CPS1: variants seen among roughly 807,000 people sequenced by gnomAD.
The protein encoded by CPS1 is carbamoyl-phosphate synthase 1.
CPS1 carries 109 observed loss-of-function variants against 174.6 expected under a neutral mutation model. That is an observed-to-expected ratio of 0.62 (90% CI 0.53 to 0.73). The LOEUF (loss-of-function observed/expected upper bound fraction) is 0.73. CPS1 is among the 30% of genes least tolerant of loss of function. The pLI is 0.00. For missense variants in CPS1, 1,689 were observed against 1,821.9 expected (o/e 0.93, Z 1.33); for synonymous variants, 637 against 632.0 (o/e 1.01, Z -0.12).
At position 210,597,823 on chromosome 2, in the gene CPS1, C is replaced by CATATATATATATATATATATATAT. The variant is rs1169393511; in HGVS notation, c.1360-1540_1360-1539insTATATATATATATATATATATATA. ...AATGAGATAGAGCTATGAATACCTT[C>CATATATATATATATATATATATAT]ATATATATACACACACACACAAACA... On this transcript the variant is annotated intron_variant, in intron 13 of 37. Coordinates refer to ENST00000233072, the MANE Select transcript of CPS1 (RefSeq NM_001875.5). Among the ~76,000 whole-genome samples, 474 of 148,376 alleles carry CATATATATATATATATATATATAT rather than the reference C, an allele frequency of 3.2e-3. 9 individuals are homozygous for CATATATATATATATATATATATAT. Among genetic ancestry groups the CATATATATATATATATATATATAT allele is most frequent in the African/African-American group, 0.011 (424 of 38,636 alleles).
At chr2:210,633,140 A>T (rs1463601844) in intron 21 of CPS1, among the ~76,000 whole-genome samples, 1 of 152,192 alleles carries the variant, frequency 6.6e-6, no homozygotes, top group African/African-American at 2.4e-5. Flanking sequence ...ATCATTCACA[A>T]TCATTATTTT....
At chr2:210,508,552 G>C (rs968932132) in intron 1 of CPS1, among the ~76,000 whole-genome samples, 4 of 152,242 alleles carry the variant, frequency 2.6e-5, no homozygotes, top group African/African-American at 9.6e-5. Context: ...AGGAAATAGA[G>C]ACACAAAAAA....
intron 1 of CPS1, chr2:210,477,787 C>A: frequency 6.2e-7 from 1 of 1,612,922 alleles, no homozygotes. Context: ...AGCTGGATAT[C>A]TCTCATGTTT....
At chr2:210,478,311 G>C (rs1202056332) in intron 1 of CPS1, among the ~76,000 whole-genome samples, 1 of 152,078 alleles carries the variant, frequency 6.6e-6, no homozygotes, top group Non-Finnish European at 1.5e-5. Context: ...TCTAATGTTT[G>C]CCATTCTAAT....
chr2:210,563,164 A>G (rs1433313861), intron 1 of CPS1, among the ~76,000 whole-genome samples: 2 of 152,272 alleles, frequency 1.3e-5, no homozygotes, highest in East Asian at 1.9e-4. Context: ...CCGATGCCAT[A>G]GTTGTGTTTA....
chr2:210,620,477 A>G (rs943186911), intron 21 of CPS1, among the ~76,000 whole-genome samples: 12 of 152,072 alleles, frequency 7.9e-5, no homozygotes, highest in African/African-American at 2.9e-4. Flanking sequence ...CATTGCTATG[A>G]AGAAATATCT....
At chr2:210,539,118 A>G (rs1696335106) in intron 1 of CPS1, among the ~76,000 whole-genome samples, 1 of 152,212 alleles carries the variant, frequency 6.6e-6, no homozygotes. Context: ...AACCTCAAGA[A>G]GATCACTTAT....
intron 1 of CPS1, among the ~76,000 whole-genome samples, chr2:210,570,027 TGTTA>T (rs1233606400): frequency 2.6e-5 from 4 of 151,976 alleles, no homozygotes; most frequent in African/African-American, 7.2e-5. Context: ...TTTGGGGAAC[TGTTA>T]GTTAGAAGAA....
chr2:210,597,303 A>T (rs1574569899), intron 13 of CPS1, among the ~76,000 whole-genome samples: 1 of 151,834 alleles, frequency 6.6e-6, no homozygotes, highest in Non-Finnish European at 1.5e-5. Flanking sequence ...ATCTTGAGAG[A>T]TGACTCGTAT....
chr2:210,584,717 A>G (rs918548811), intron 6 of CPS1, among the ~76,000 whole-genome samples: 10 of 152,032 alleles, frequency 6.6e-5, no homozygotes, highest in Admixed American at 2.0e-4. Context: ...TTTAGTGTCA[A>G]TTTGAATTCA....
intron 21 of CPS1, among the ~76,000 whole-genome samples, chr2:210,624,839 A>G (rs1459844390): frequency 3.3e-5 from 5 of 152,074 alleles, no homozygotes; most frequent in Non-Finnish European, 7.4e-5. Context: ...GATGACTCAT[A>G]AAGTGCCTAT....
Position 210,605,180 on chromosome 2 carries a change from G to A in CPS1, c.1915G>A (p.Asp639Asn), listed in dbSNP as rs1430895323. 1.9e-6 allele frequency: 3 copies of A among 1,612,284 alleles called. No individual in the cohort carries two copies. Among genetic ancestry groups the A allele is most frequent in the Non-Finnish European group, 2.5e-6 (3 of 1,178,852 alleles). ...AGAAATAGAATATGAAGTGGTTCGA[G>A]ATGCTGATGACAATTGTGTCACTGT... is the stretch of plus-strand genomic sequence containing the variant. Reference protein sequence around the residue: ...WKEIEYEVVRDADDNCVTVCN... With the variant: ...WKEIEYEVVRNADDNCVTVCN... The change falls in exon 17 of 38, where the codon GAT becomes AAT. Residue 639 changes from aspartate to asparagine, a missense_variant. Asp to Asn is a conservative substitution (Grantham distance 23). Transcript: ENST00000233072.
chr2:210,619,782 A>G (rs1011589690), intron 21 of CPS1: 4 of 152,146 alleles, frequency 2.6e-5, no homozygotes, highest in African/African-American at 7.2e-5. Flanking sequence ...CACATTTAAT[A>G]GCAGAGGATG....
At chr2:210,524,881 A>G (rs1695932551) in intron 1 of CPS1, among the ~76,000 whole-genome samples, 1 of 151,960 alleles carries the variant, frequency 6.6e-6, no homozygotes, top group Non-Finnish European at 1.5e-5. Flanking sequence ...TAAGTTGCTG[A>G]ATGTACTTTT....
intron 2 of CPS1, 133 bp downstream of exon 2, chr2:210,573,540 T>C: frequency 2.7e-6 from 2 of 733,732 alleles, no homozygotes; most frequent in South Asian, 3.1e-5. Flanking sequence ...CACCATGCCT[T>C]GTGCATAGCC....
intron 13 of CPS1, among the ~76,000 whole-genome samples, chr2:210,597,327 T>C (rs1698521112): frequency 1.3e-5 from 2 of 151,952 alleles, no homozygotes; most frequent in East Asian, 1.9e-4. Context: ...GGAAAGAGCA[T>C]AGGATTTGAA....
Position 210,606,928 on chromosome 2 carries a change from T to C in CPS1, c.2179T>C (p.Ser727Pro). The C allele has an allele frequency of 6.2e-7, 1 of 1,612,060 alleles. No homozygotes were observed. The highest frequency in any genetic ancestry group is 8.5e-7 in the Non-Finnish European group (1 of 1,178,804). Residue 727 changes from serine (S) to proline (P), a missense_variant, in exon 18 of 38, where the codon TCA (serine) becomes CCA (proline). By Grantham distance (74) the Ser-to-Pro change is moderately conservative (BLOSUM62 -1). Coordinates refer to ENST00000233072, the MANE Select transcript of CPS1 (RefSeq NM_001875.5). Reference sequence around the variant, plus strand: ...ACTGTCCCGAAGCTCTGCTCTGGCCTCAAAAGCCACTGGGTAAGACCAGAA... The same window carrying C: ...ACTGTCCCGAAGCTCTGCTCTGGCCCCAAAAGCCACTGGGTAAGACCAGAA... ...ARLSRSSALA[S>P]KATGYPLAFI...
intron 36 of CPS1, among the ~76,000 whole-genome samples, chr2:210,676,304 T>G (rs916883449): frequency 3.9e-5 from 6 of 152,226 alleles, no homozygotes; most frequent in African/African-American, 1.4e-4. Context: ...TGACCAGGTT[T>G]TCATGCCTTA....
In CPS1 at chr2:210,485,193, C is replaced by T. The variant is rs551095054; in HGVS notation, c.3+7427C>T. ...CTTGCAGTGAGCCAAGATGGTGCCA[C>T]GGCACTCCAGCCTGGGTGACAGAGC... On this transcript the variant is annotated intron_variant, in intron 1 of 38. Transcript: ENST00000430249. Among the ~76,000 whole-genome samples, 10 of 148,666 alleles carry T rather than the reference C, an allele frequency of 6.7e-5. No homozygotes were observed. The East Asian group carries it at 7.9e-4, about 12-fold the overall frequency.
Sources: allele counts gnomAD v4.1 joint callset (sites outside exome capture counted in the v4.1 genomes callset), GRCh38; gene constraint gnomAD v4.1.1; transcripts MANE v1.5; gene names NCBI Gene and HGNC (gene_info 2026-07-23, HGNC 2026-07-21).